LAT2: variants seen among roughly 807,000 people sequenced by gnomAD.
LAT2 encodes linker for activation of T cells family member 2, also known as linker for activation of T-cells family member 2.
LAT2 carries 23 observed loss-of-function variants against 43.4 expected under a neutral mutation model. The ratio of observed to expected loss-of-function variants is 0.53; its 90% confidence interval spans 0.38 to 0.75. LAT2 has a LOEUF of 0.75. Among genes scored for constraint, LAT2 ranks in the 30% least tolerant of loss-of-function variants. The pLI, the probability that LAT2 is intolerant of heterozygous loss-of-function variation, is 0.00. For missense variants in LAT2, 284 were observed against 310.2 expected (o/e 0.92, Z 0.64); for synonymous variants, 128 against 123.2 (o/e 1.04, Z -0.26).
At chr7:74,222,073 T>A (rs1187874988) in intron 10 of LAT2, among the ~76,000 whole-genome samples, 2 of 147,538 alleles carry the variant, frequency 1.4e-5, no homozygotes, top group East Asian at 2.0e-4. Flanking sequence ...GGTCGCTGAA[T>A]GCCTTTGCTT....
At chr7:74,224,345 T>A in intron 12 of LAT2, 148 bp downstream of exon 12, 1 of 960,148 alleles carries the variant, frequency 1.0e-6, no homozygotes, top group Non-Finnish European at 1.6e-6. Context: ...TGCAGAGACC[T>A]TGAACCACAC....
intron 1 of LAT2, among the ~76,000 whole-genome samples, chr7:74,214,419 T>A (rs868963346): frequency 4.2e-4 from 26 of 62,284 alleles, no homozygotes; most frequent in African/African-American, 1.6e-3. Flanking sequence ...TATATATAAA[T>A]ATATATATAT....
chr7:74,214,215 AAT>A (rs1428682674), intron 1 of LAT2, among the ~76,000 whole-genome samples: 11 of 84,924 alleles, frequency 1.3e-4, no homozygotes, highest in East Asian at 3.1e-4. Flanking sequence ...TATATATGAA[AAT>A]ATATATATGA....
chr7:74,223,870 G>C, intron 11 of LAT2, 87 bp downstream of exon 11: 1 of 1,497,326 alleles, frequency 6.7e-7, no homozygotes, highest in Non-Finnish European at 9.3e-7. Flanking sequence ...CTGCTCAAAG[G>C]CCGCCCCCAC....
chr7:74,214,419 T>TATATATATATGAAAATATATATATAA (rs1801906892), intron 1 of LAT2, among the ~76,000 whole-genome samples: 2 of 62,280 alleles, frequency 3.2e-5, no homozygotes, highest in Non-Finnish European at 5.5e-5. Context: ...TATATATAAA[T>TATATATATATGAAAATATATATATAA]ATATATATAT....
Position 74,223,751 on chromosome 7 carries a change from T to A in LAT2, c.416T>A (p.Val139Glu), listed in dbSNP as rs1554715650. The A allele has an allele frequency of 6.2e-7, 1 of 1,613,700 alleles. No individual in the cohort carries two copies. Reference protein sequence around the residue: ...EDDDANSYENVLICKQKTTET... With the variant: ...EDDDANSYENELICKQKTTET... Reference sequence around the variant, plus strand: ...GATGATGCCAATTCCTACGAGAATGTGCTCATTTGCAAGCAGAAAACCACA... The same window carrying A: ...GATGATGCCAATTCCTACGAGAATGAGCTCATTTGCAAGCAGAAAACCACA... Residue 139 changes from valine (V) to glutamate (E), a missense_variant, in exon 11 of 14, where the codon GTG becomes GAG. Transcript: ENST00000460943.
chr7:74,214,141 A>AATATATATATGAAAAT (rs371105339), intron 1 of LAT2, among the ~76,000 whole-genome samples: 4 of 52,192 alleles, frequency 7.7e-5, no homozygotes, highest in Non-Finnish European at 1.0e-4. Flanking sequence ...TATATATGAA[A>AATATATATATGAAAAT]ATATATATAA....
At chr7:74,217,105 C>T (rs115112041) in intron 4 of LAT2, among the ~76,000 whole-genome samples, 1,692 of 152,190 alleles carry the variant, frequency 0.011, 34 homozygotes, top group African/African-American at 0.039. Context: ...TGGGGCTAGC[C>T]ACTCTTCAGC....
chr7:74,215,994 C>G lies in LAT2; in HGVS notation c.19C>G (p.Leu7Val), dbSNP rs781985391. 6.2e-7 allele frequency: 1 copy of G among 1,613,992 alleles called. No individual in the cohort carries two copies. The highest frequency in any genetic ancestry group is 8.5e-7 in the Non-Finnish European group (1 of 1,180,030). Residue 7 changes from leucine (L) to valine (V), a missense_variant, in exon 3 of 14, where the codon CTG (leucine) becomes GTG (valine). Transcript: ENST00000460943. ...AGCCAACATGAGCTCGGGGACTGAA[C>G]TGCTGTGGCCCGGAGCAGCGCTGCT... MSSGTE[L>V]LWPGAALLVL... is the part of the protein sequence containing the mutation.
At chr7:74,212,794 G>C (rs1164678233) in intron 1 of LAT2, among the ~76,000 whole-genome samples, 7 of 152,204 alleles carry the variant, frequency 4.6e-5, no homozygotes, top group Non-Finnish European at 8.8e-5. Flanking sequence ...GGGCCATGGG[G>C]AAGAGAGAGC....
intron 13 of LAT2, chr7:74,224,969 C>G: frequency 2.3e-6 from 1 of 437,536 alleles, no homozygotes; most frequent in Non-Finnish European, 4.1e-6. Context: ...ATTCTGGTGA[C>G]TTCAGGGGCA....
Position 74,220,878 on chromosome 7 carries a change from G to A in LAT2, c.332+144G>A, listed in dbSNP as rs1330492065. The A allele has an allele frequency of 5.9e-6, 4 of 677,136 alleles. No homozygotes were observed. The highest frequency in any genetic ancestry group is 3.0e-5 in the Admixed American group (1 of 33,824). 41.9% of individuals were successfully genotyped at this position (677,136 alleles called of 1,614,324 possible). ...GAACCACCTCTTGCACTAGAACGAG[G>A]CATCCAGGTTCCCCTCCTTCTCCTG... On this transcript the variant is annotated intron_variant, in intron 9 of 13. Transcript: ENST00000460943. The surrounding 1 kb of genome is among the most constrained non-coding windows in gnomAD (Gnocchi z 4.5).
At position 74,220,920 on chromosome 7, in the gene LAT2, C is replaced by T. The variant is rs1377602897; in HGVS notation, c.332+186C>T. Among the ~76,000 whole-genome samples, 8 of 152,208 alleles carry T rather than the reference C, an allele frequency of 5.3e-5. No homozygotes were observed. Among genetic ancestry groups the T allele is most frequent in the Admixed American group, 4.6e-4 (7 of 15,278 alleles). ...CTTCTCCTGGCAGGCAGGCATTGGG[C>T]GACACTGTTGTCTCTTAGGTAACCC... On this transcript the variant is annotated intron_variant, in intron 9 of 13. Coordinates refer to ENST00000460943, the MANE Select transcript of LAT2 (RefSeq NM_032464.3). The surrounding 1 kb of genome is among the most constrained non-coding windows in gnomAD (Gnocchi z 4.5).
chr7:74,214,377 AAT>A (rs372490464), intron 1 of LAT2, among the ~76,000 whole-genome samples: 1 of 43,424 alleles, frequency 2.3e-5, no homozygotes, highest in Non-Finnish European at 4.0e-5. Context: ...TATATATGAA[AAT>A]ATATATATAA....
At chr7:74,222,560 GC>G (rs1802328983) in intron 10 of LAT2, among the ~76,000 whole-genome samples, 1 of 151,352 alleles carries the variant, frequency 6.6e-6, no homozygotes, top group Non-Finnish European at 1.5e-5. Flanking sequence ...GTCCTCTTCT[GC>G]CCCCCACCAC....
In LAT2 at chr7:74,215,954, A is replaced by T. The variant is rs782183070; in HGVS notation, c.-22A>T. ...GGGCACCTCCCATTTCAGCATCACA[A>T]GAGGCAACACCAGGAGCCAACATGA... On this transcript the variant is annotated 5_prime_UTR_variant, in exon 3 of 14. In the 5' UTR this introduces an upstream ATG that the reference lacks. Coordinates refer to ENST00000460943, the MANE Select transcript of LAT2 (RefSeq NM_032464.3). 4 of 1,611,696 alleles carry T rather than the reference A, an allele frequency of 2.5e-6. No individual in the cohort carries two copies. The highest frequency in any genetic ancestry group is 3.3e-4 in the Middle Eastern group (2 of 6,084).
rs1306225344 is a variant in LAT2, at chr7:74,229,483, T to A, written c.*558T>A. The A allele has an allele frequency of 1.3e-5, 2 of 152,704 alleles. No homozygotes were observed. Among genetic ancestry groups the A allele is most frequent in the Non-Finnish European group, 2.9e-5 (2 of 68,056 alleles). 9.5% of individuals were successfully genotyped at this position (152,704 alleles called of 1,614,324 possible). ...TCAGCATCCTTGTTGGGTGGGGCCC[T>A]GGCTCTCTTCCCCTTTGGTGGGACC... On this transcript the variant is annotated 3_prime_UTR_variant, in exon 14 of 14. Coordinates refer to ENST00000460943, the MANE Select transcript of LAT2 (RefSeq NM_032464.3).
chr7:74,219,009 CTTTTTTTTTTTTTTTTTTTT>C (rs781806954), intron 4 of LAT2, among the ~76,000 whole-genome samples: 1,920 of 48,764 alleles, frequency 0.039, 69 homozygotes, highest in African/African-American at 0.13. Flanking sequence ...AGAGTGTGTG[CTTTTTTTTTTTTTTTTTTTT>C]TTTTTTTTTT....
intron 11 of LAT2, 104 bp from the exon 12 acceptor site, chr7:74,223,914 C>T: frequency 6.8e-7 from 1 of 1,478,646 alleles, no homozygotes; most frequent in Non-Finnish European, 9.3e-7. Flanking sequence ...TCCCCAGGTA[C>T]CTTTCGGTAG....
Sources: allele counts gnomAD v4.1 joint callset (sites outside exome capture counted in the v4.1 genomes callset), GRCh38; gene constraint gnomAD v4.1.1; non-coding constraint Gnocchi (gnomAD v3.1); transcripts MANE v1.5; gene names NCBI Gene and HGNC (gene_info 2026-07-23, HGNC 2026-07-21).